Variants in PSAT1 observed in about 807,000 individuals in gnomAD.
The protein encoded by PSAT1 is phosphoserine aminotransferase 1.
PSAT1 carries 41 observed loss-of-function variants against 40.3 expected under a neutral mutation model. The ratio of observed to expected loss-of-function variants is 1.02; its 90% confidence interval spans 0.79 to 1.32. PSAT1 has a LOEUF of 1.32. PSAT1 is among the 40% of genes most tolerant of loss of function. PSAT1 has a pLI of 0.00. For synonymous variants in PSAT1, 147 were observed against 170.5 expected, an observed-to-expected ratio of 0.86 and a Z score of 1.07; for missense variants, 406 against 455.8, an observed-to-expected ratio of 0.89 and a Z score of 0.99.
intron 7 of PSAT1, among the ~76,000 whole-genome samples, chr9:78,325,746 A>T (rs1348648131): frequency 1.3e-5 from 2 of 152,150 alleles, no homozygotes; most frequent in Non-Finnish European, 2.9e-5. Flanking sequence ...CCCCAGCCCC[A>T]TACTAGAGAC....
In PSAT1 at chr9:78,311,535, T is replaced by A. The variant is rs1469996260; in HGVS notation, c.740+2952T>A. Among the ~76,000 whole-genome samples, 5 of 151,982 alleles carry A rather than the reference T, an allele frequency of 3.3e-5. No homozygotes were observed. In the East Asian group the frequency reaches 7.8e-4, roughly 24 times the overall value. ...AGGGTTACCTTGAAGAGCATTTTTT[T>A]AAAAAGGAATGAACACGGCCGGGTG... On this transcript the variant is annotated intron_variant, in intron 6 of 8. Transcript: ENST00000376588.
At chr9:78,328,691 T>TTACAGAA (rs1828537608) in intron 8 of PSAT1, among the ~76,000 whole-genome samples, 1 of 152,228 alleles carries the variant, frequency 6.6e-6, no homozygotes, top group Non-Finnish European at 1.5e-5. Flanking sequence ...AATCGCTATC[T>TTACAGAA]TCTTCCAACT....
At chr9:78,308,929 T>A (rs1828226157) in intron 6 of PSAT1, among the ~76,000 whole-genome samples, 1 of 152,080 alleles carries the variant, frequency 6.6e-6, no homozygotes, top group Non-Finnish European at 1.5e-5. Context: ...CACTCCAGCC[T>A]GGGTGACAGA....
At position 78,329,204 on chromosome 9, in the gene PSAT1, AT is replaced by A; in HGVS notation, c.*120del. 3.9e-6 allele frequency: 3 copies of A among 764,340 alleles called. No homozygotes were observed. Among genetic ancestry groups the A allele is most frequent in the Non-Finnish European group, 6.8e-6 (3 of 439,346 alleles). 47.3% of individuals were successfully genotyped at this position (764,340 alleles called of 1,614,324 possible). On this transcript the variant is annotated 3_prime_UTR_variant, in exon 9 of 9. Transcript: ENST00000376588. ...TCTCAAATGAACATGTTTATTGCAG[AT>A]TCTTCTTTTTTGAAAGAACAACAGC... is the stretch of plus-strand genomic sequence containing the variant.
At chr9:78,310,664 G>A (rs982667847) in intron 6 of PSAT1, among the ~76,000 whole-genome samples, 6 of 151,526 alleles carry the variant, frequency 4.0e-5, no homozygotes, top group Admixed American at 1.3e-4. Context: ...AGGCTGGAGT[G>A]CAGTGGCGTG....
chr9:78,320,571 C>A (rs577451597), intron 7 of PSAT1, among the ~76,000 whole-genome samples: 3 of 151,530 alleles, frequency 2.0e-5, no homozygotes, highest in African/African-American at 7.3e-5. Context: ...ACCCTTCCAC[C>A]TATCCGCCCA....
intron 5 of PSAT1, among the ~76,000 whole-genome samples, chr9:78,308,000 C>A (rs1473232407): frequency 6.6e-6 from 1 of 152,108 alleles, no homozygotes; most frequent in African/African-American, 2.4e-5. Flanking sequence ...GATTGCGCCA[C>A]TGCACTCCAG....
At chr9:78,297,739 G>A (rs1205823217) in intron 1 of PSAT1, among the ~76,000 whole-genome samples, 1 of 152,248 alleles carries the variant, frequency 6.6e-6, no homozygotes, top group Non-Finnish European at 1.5e-5. Context: ...GAACGGGAAT[G>A]AACCGATGAC....
At chr9:78,306,545 T>G in intron 5 of PSAT1, 59 bp downstream of exon 5, 1 of 1,599,622 alleles carries the variant, frequency 6.3e-7, no homozygotes, top group Non-Finnish European at 8.6e-7. Flanking sequence ...CAGGGACATT[T>G]TAATATATAC....
chr9:78,308,468 G>C lies in PSAT1; in HGVS notation c.625G>C (p.Val209Leu). 1 of 1,613,892 alleles carries C rather than the reference G, an allele frequency of 6.2e-7. No individual in the cohort carries two copies. The highest frequency in any genetic ancestry group is 1.3e-5 in the African/African-American group (1 of 75,026). Reference protein sequence around the residue: ...QKNVGSAGVTVVIVRDDLLGF... With the variant: ...QKNVGSAGVTLVIVRDDLLGF... ...GAATGTTGGCTCTGCTGGGGTCACC[G>C]TGGTGATTGTCCGTGATGACCTGCT... is the stretch of plus-strand genomic sequence containing the variant. The change falls in exon 6 of 9, where the codon GTG becomes CTG. Residue 209 changes from valine (V) to leucine (L), a missense_variant. By Grantham distance (32) the Val-to-Leu change is conservative. Transcript: ENST00000376588.
At chr9:78,317,308 A>T (rs1028197006) in intron 6 of PSAT1, among the ~76,000 whole-genome samples, 7 of 152,040 alleles carry the variant, frequency 4.6e-5, no homozygotes, top group African/African-American at 1.7e-4. Flanking sequence ...GCTAGAGTGC[A>T]TTGGTGTGAT....
At position 78,328,200 on chromosome 9, in the gene PSAT1, T is replaced by G. The variant is rs1046641793; in HGVS notation, c.1007+12T>G. ...TTGAAAGGGCATAGGTGAGTACATC[T>G]GCAATGCACGAGCTTGGCAAAGAAT... is the stretch of plus-strand genomic sequence containing the variant. On this transcript the variant is annotated intron_variant, in intron 8 of 8. Coordinates refer to ENST00000376588, the MANE Select transcript of PSAT1 (RefSeq NM_058179.4). 1.9e-6 allele frequency: 3 copies of G among 1,613,894 alleles called. No homozygotes were observed. The highest frequency in any genetic ancestry group is 2.5e-6 in the Non-Finnish European group (3 of 1,180,014).
intron 4 of PSAT1, 92 bp from the exon 5 acceptor site, chr9:78,306,222 G>T: frequency 1.5e-6 from 2 of 1,360,948 alleles, no homozygotes; most frequent in East Asian, 4.6e-5. Flanking sequence ...TCCCTGCTAG[G>T]GGAGGCCTGT....
At chr9:78,301,789 A>G (rs879066750) in intron 2 of PSAT1, among the ~76,000 whole-genome samples, 165 bp from the exon 3 acceptor site, 4 of 152,356 alleles carry the variant, frequency 2.6e-5, no homozygotes, top group South Asian at 2.1e-4. Flanking sequence ...TTTGAAAATC[A>G]GTTTGTATGG....
intron 3 of PSAT1, among the ~76,000 whole-genome samples, chr9:78,302,443 GT>G (rs1452784237): frequency 1.3e-5 from 2 of 152,066 alleles, no homozygotes; most frequent in Non-Finnish European, 2.9e-5. Context: ...AAAAATTCAA[GT>G]GGGGCCGGGC....
intron 6 of PSAT1, among the ~76,000 whole-genome samples, chr9:78,313,403 C>T (rs189200770): frequency 2.0e-5 from 3 of 152,108 alleles, no homozygotes; most frequent in African/African-American, 7.2e-5. Context: ...CAGTAACATA[C>T]TCTTAGCAAA....
At chr9:78,313,505 CAG>C (rs1479463888) in intron 6 of PSAT1, among the ~76,000 whole-genome samples, 1 of 152,182 alleles carries the variant, frequency 6.6e-6, no homozygotes, top group Non-Finnish European at 1.5e-5. Context: ...TGCAAATATA[CAG>C]AGTCATATAT....
chr9:78,300,528 C>G (rs528248555), intron 1 of PSAT1, 74 bp from the exon 2 acceptor site: 2 of 1,528,896 alleles, frequency 1.3e-6, no homozygotes, highest in Non-Finnish European at 1.8e-6. Context: ...GTCCCCTCGT[C>G]AGGTTTGTAT....
At chr9:78,310,236 T>G (rs893571359) in intron 6 of PSAT1, among the ~76,000 whole-genome samples, 1 of 152,144 alleles carries the variant, frequency 6.6e-6, no homozygotes, top group Non-Finnish European at 1.5e-5. Flanking sequence ...ATGATTCCCA[T>G]TTTGCAAGTG....
Sources: allele counts gnomAD v4.1 joint callset (sites outside exome capture counted in the v4.1 genomes callset), GRCh38; gene constraint gnomAD v4.1.1; transcripts MANE v1.5; gene names NCBI Gene and HGNC (gene_info 2026-07-23, HGNC 2026-07-21).